Variants in GADL1 observed in about 807,000 individuals in gnomAD.
GADL1 encodes acidic amino acid decarboxylase GADL1.
Under a neutral mutation model 69.5 loss-of-function variants are expected in GADL1, and 71 were observed. That is an observed-to-expected ratio of 1.02 (90% CI 0.84 to 1.25). The LOEUF (loss-of-function observed/expected upper bound fraction) is 1.25. GADL1 is among the 50% of genes most tolerant of loss of function. The pLI is 0.00. For synonymous variants in GADL1, 254 were observed against 214.4 expected (o/e 1.18, Z -1.62); for missense variants, 737 against 631.8 (o/e 1.17, Z -1.79).
In GADL1 at chr3:30,852,472, C is replaced by T. The variant is rs149662914; in HGVS notation, c.429-1531G>A. ...GTTGCAGTAAGCTGAGATCATGCCA[C>T]TGCACTCCAGTCTGGGCAACAGAGC... On this transcript the variant is annotated intron_variant, in intron 4 of 14. Coordinates refer to ENST00000282538, the MANE Select transcript of GADL1 (RefSeq NM_207359.3). 5.9e-3 allele frequency among the ~76,000 whole-genome samples: 893 copies of T among 152,244 alleles called. 11 individuals carry two copies. The highest frequency in any genetic ancestry group is 0.019 in the African/African-American group (795 of 41,562).
chr3:30,786,299 C>T, intron 13 of GADL1, 56 bp downstream of exon 13: 1 of 1,040,036 alleles, frequency 9.6e-7, no homozygotes. Context: ...AAGAAAATTA[C>T]CACCTTCATC....
chr3:30,805,412 C>T (rs1171807786), intron 11 of GADL1, among the ~76,000 whole-genome samples: 2 of 152,060 alleles, frequency 1.3e-5, no homozygotes, highest in East Asian at 3.9e-4. Flanking sequence ...AGAGAGAACA[C>T]TGAGCTAGAG....
chr3:30,854,345 A>T (rs1698194289), intron 4 of GADL1, among the ~76,000 whole-genome samples: 1 of 152,094 alleles, frequency 6.6e-6, no homozygotes, highest in Admixed American at 6.6e-5. Flanking sequence ...TTTATACCAG[A>T]TATTATGCTC....
chr3:30,786,323 A>G, intron 13 of GADL1, 32 bp downstream of exon 13: 1 of 1,439,024 alleles, frequency 6.9e-7, no homozygotes, highest in Non-Finnish European at 9.8e-7. Context: ...GTTAACTGAC[A>G]AAATCACAAG....
intron 13 of GADL1, among the ~76,000 whole-genome samples, chr3:30,782,796 C>G (rs755488706): frequency 1.3e-5 from 2 of 152,030 alleles, no homozygotes; most frequent in African/African-American, 4.8e-5. Flanking sequence ...GAAAGGAAAT[C>G]AAAGAAACTA....
chr3:30,855,218 C>T (rs1483282303), intron 3 of GADL1, among the ~76,000 whole-genome samples: 1 of 152,056 alleles, frequency 6.6e-6, no homozygotes, highest in Non-Finnish European at 1.5e-5. Context: ...TCGTAGAGCC[C>T]TTTCTACTGG....
chr3:30,804,321 T>C (rs529552052), intron 11 of GADL1, among the ~76,000 whole-genome samples: 1 of 104,382 alleles, frequency 9.6e-6, no homozygotes, highest in South Asian at 3.0e-4. Context: ...TCTGTGAGCA[T>C]GGAGAGGAGG....
chr3:30,852,643 T>TAAA (rs11409920), intron 4 of GADL1, among the ~76,000 whole-genome samples: 2 of 146,794 alleles, frequency 1.4e-5, no homozygotes, highest in Non-Finnish European at 3.0e-5. Flanking sequence ...ACTTTCATAA[T>TAAA]AAAAAAAAAA....
At chr3:30,765,031 A>C (rs184464315) in intron 14 of GADL1, among the ~76,000 whole-genome samples, 2 of 122,806 alleles carry the variant, frequency 1.6e-5, no homozygotes, top group Non-Finnish European at 3.6e-5. Flanking sequence ...ACAACTGCAA[A>C]TTGACTTTTT....
intron 1 of GADL1, among the ~76,000 whole-genome samples, chr3:30,865,116 T>C (rs889406026): frequency 1.3e-5 from 2 of 151,900 alleles, no homozygotes; most frequent in Non-Finnish European, 2.9e-5. Context: ...CACAGCTCTA[T>C]CATCTGTGGT....
intron 1 of GADL1, among the ~76,000 whole-genome samples, chr3:30,892,319 A>G (rs1229299712): frequency 6.6e-6 from 1 of 152,242 alleles, no homozygotes; most frequent in Non-Finnish European, 1.5e-5. Context: ...ATATCATTTA[A>G]CATACGAATT....
chr3:30,811,023 A>T (rs999016547), intron 11 of GADL1, among the ~76,000 whole-genome samples: 3 of 152,218 alleles, frequency 2.0e-5, no homozygotes, highest in Admixed American at 1.3e-4. Context: ...TATTCTGAAC[A>T]CTTAGTGTTG....
At chr3:30,880,110 A>T (rs1192030732) in intron 1 of GADL1, among the ~76,000 whole-genome samples, 1 of 151,910 alleles carries the variant, frequency 6.6e-6, no homozygotes, top group Non-Finnish European at 1.5e-5. Context: ...TCTGCCTCTG[A>T]GTTATACATC....
At chr3:30,873,538 CTAAACTATTTGGATACATTTT>C (rs900032610) in intron 1 of GADL1, among the ~76,000 whole-genome samples, 65 of 151,988 alleles carry the variant, frequency 4.3e-4, no homozygotes, top group African/African-American at 1.6e-3. Context: ...ATCAACCACA[CTAAACTATTTGGATACATTTT>C]TGTACTCCTA....
At chr3:30,764,547 C>T (rs1286042884) in intron 14 of GADL1, among the ~76,000 whole-genome samples, 1 of 152,078 alleles carries the variant, frequency 6.6e-6, no homozygotes, top group Admixed American at 6.5e-5. Context: ...TTTTCTAAGC[C>T]CCTTGCTGAG....
At position 30,729,448 on chromosome 3, in the gene GADL1, C is replaced by T. The variant is rs1335624395; in HGVS notation, c.1393-1033G>A. 2.0e-5 allele frequency among the ~76,000 whole-genome samples: 3 copies of T among 152,198 alleles called. No individual in the cohort carries two copies. In the East Asian group the frequency reaches 5.8e-4, roughly 29 times the overall value. ...GAATATAATGAGTTTCTATCCTTGC[C>T]TTCTCAGGAAGATGAGACTTACTCC... On this transcript the variant is annotated intron_variant, in intron 14 of 14. Transcript: ENST00000282538.
At chr3:30,772,285 C>A (rs551914911) in intron 14 of GADL1, among the ~76,000 whole-genome samples, 4 of 152,198 alleles carry the variant, frequency 2.6e-5, no homozygotes, top group Non-Finnish European at 5.9e-5. Flanking sequence ...TTGAAATAAC[C>A]ATACATGAAT....
At chr3:30,731,118 A>G (rs1166203482) in intron 14 of GADL1, among the ~76,000 whole-genome samples, 4 of 152,200 alleles carry the variant, frequency 2.6e-5, no homozygotes, top group Non-Finnish European at 5.9e-5. Flanking sequence ...CCTGGTTTAC[A>G]TGGACCAAAT....
At chr3:30,735,109 A>AAAT (rs571050944) in intron 14 of GADL1, among the ~76,000 whole-genome samples, 2 of 152,202 alleles carry the variant, frequency 1.3e-5, no homozygotes, top group Admixed American at 6.6e-5. Flanking sequence ...TGGAATAGAA[A>AAAT]AATAGCAAGG....
Sources: allele counts gnomAD v4.1 joint callset (sites outside exome capture counted in the v4.1 genomes callset), GRCh38; gene constraint gnomAD v4.1.1; transcripts MANE v1.5; gene names NCBI Gene and HGNC (gene_info 2026-07-23, HGNC 2026-07-21).